The following CLASP1 variants were observed in gnomAD, a reference collection of about 807,000 sequenced individuals.
The protein encoded by CLASP1 is cytoplasmic linker associated protein 1, also known as CLIP-associating protein 1.
In CLASP1, 38 loss-of-function variants were observed where a neutral mutation model predicts 192.3. The ratio of observed to expected loss-of-function variants is 0.20; its 90% CI spans 0.15 to 0.26. The LOEUF is 0.26. CLASP1 is among the 10% of genes least tolerant of loss of function. CLASP1 has a pLI of 1.00. For missense variants in CLASP1, 1,433 were observed against 1,932.5 expected, an observed-to-expected ratio of 0.74 and a Z score of 4.85; for synonymous variants, 691 against 712.8, an observed-to-expected ratio of 0.97 and a Z score of 0.49.
chr2:121,512,893 A>C (rs2094179712), intron 7 of CLASP1: 1 of 151,828 alleles, frequency 6.6e-6, no homozygotes, highest in Non-Finnish European at 1.5e-5. Context: ...TTAATTTAGA[A>C]CTAAATCCAA....
At chr2:121,535,213 G>A (rs1461935286) in intron 2 of CLASP1, among the ~76,000 whole-genome samples, 1 of 152,232 alleles carries the variant, frequency 6.6e-6, no homozygotes, top group Non-Finnish European at 1.5e-5. Flanking sequence ...GAGCCTGGGA[G>A]GCGGAAGTTG....
intron 23 of CLASP1, among the ~76,000 whole-genome samples, chr2:121,411,969 G>A (rs544635332): frequency 4.7e-4 from 71 of 152,212 alleles, no homozygotes; most frequent in African/African-American, 1.2e-3. Context: ...ATAAGACTTC[G>A]TTTGGACAAC....
At chr2:121,432,454 T>G (rs973048988) in intron 19 of CLASP1, among the ~76,000 whole-genome samples, 3 of 152,188 alleles carry the variant, frequency 2.0e-5, no homozygotes, top group Non-Finnish European at 4.4e-5. Context: ...TCCTGCTAAT[T>G]GGCAGGACAA....
At chr2:121,348,046 G>A (rs2063691789) in intron 38 of CLASP1, among the ~76,000 whole-genome samples, 1 of 149,250 alleles carries the variant, frequency 6.7e-6, no homozygotes, top group Admixed American at 6.8e-5. Context: ...AAAATCCTCT[G>A]AGGCAGTCCA....
intron 1 of CLASP1, among the ~76,000 whole-genome samples, chr2:121,637,251 G>A (rs1004600243): frequency 7.9e-5 from 12 of 152,246 alleles, no homozygotes; most frequent in African/African-American, 2.9e-4. Flanking sequence ...TGTTTTGAGG[G>A]AAGAAAATAA....
At chr2:121,359,088 C>T (rs1380028238) in intron 37 of CLASP1, among the ~76,000 whole-genome samples, 1 of 152,212 alleles carries the variant, frequency 6.6e-6, no homozygotes, top group African/African-American at 2.4e-5. Context: ...GTACTATATG[C>T]ACATCACACT....
At chr2:121,533,595 C>A (rs777459408) in intron 2 of CLASP1, among the ~76,000 whole-genome samples, 7 of 152,108 alleles carry the variant, frequency 4.6e-5, no homozygotes, top group Admixed American at 1.3e-4. Flanking sequence ...CTGGAATACA[C>A]AATTCTGTTT....
At chr2:121,469,672 A>T in intron 9 of CLASP1, 136 bp downstream of exon 9, 1 of 784,492 alleles carries the variant, frequency 1.3e-6, no homozygotes, top group Non-Finnish European at 1.9e-6. Flanking sequence ...TAATTCAATT[A>T]AAGAATAGCA....
chr2:121,634,433 G>C (rs1209375204), intron 1 of CLASP1, among the ~76,000 whole-genome samples: 1 of 151,996 alleles, frequency 6.6e-6, no homozygotes, highest in Admixed American at 6.6e-5. Context: ...CACCCTTTCT[G>C]CATCACCTCC....
At chr2:121,517,436 G>T (rs2094329914) in intron 6 of CLASP1, among the ~76,000 whole-genome samples, 1 of 152,170 alleles carries the variant, frequency 6.6e-6, no homozygotes, top group Non-Finnish European at 1.5e-5. Flanking sequence ...TCTTCCAGTG[G>T]AAAAAGGCAA....
rs188498126 is a variant in CLASP1, at chr2:121,501,840, C to T, written c.712+1327G>A. On this transcript the variant is annotated intron_variant, in intron 8 of 39. Transcript: ENST00000263710. ...GATATTCAAAATGTGAAGGCTTGTACTAGGAAGACAGTAGTAATGATGAGG... is the reference window on the plus strand; with the variant it reads ...GATATTCAAAATGTGAAGGCTTGTATTAGGAAGACAGTAGTAATGATGAGG... Among the ~76,000 whole-genome samples, 307 of 152,238 alleles carry T rather than the reference C, an allele frequency of 2.0e-3. 1 individual carries two copies. The highest frequency in any genetic ancestry group is 6.9e-3 in the African/African-American group (288 of 41,548).
At chr2:121,562,240 T>C (rs1296958228) in intron 2 of CLASP1, among the ~76,000 whole-genome samples, 1 of 152,184 alleles carries the variant, frequency 6.6e-6, no homozygotes, top group African/African-American at 2.4e-5. Context: ...CACAGGAACC[T>C]GGGCAGGCAG....
At chr2:121,605,305 A>G (rs1410588503) in intron 2 of CLASP1, among the ~76,000 whole-genome samples, 1 of 152,154 alleles carries the variant, frequency 6.6e-6, no homozygotes, top group Non-Finnish European at 1.5e-5. Context: ...CTTATTACCA[A>G]TTCAATCCCC....
chr2:121,413,814 C>T (rs998185410), intron 23 of CLASP1, among the ~76,000 whole-genome samples: 3 of 152,056 alleles, frequency 2.0e-5, no homozygotes, highest in Non-Finnish European at 4.4e-5. Context: ...ATATCCATGC[C>T]CCCTTGCCCC....
chr2:121,581,335 C>T (rs1425033625), intron 2 of CLASP1, among the ~76,000 whole-genome samples: 1 of 139,116 alleles, frequency 7.2e-6, no homozygotes, highest in South Asian at 2.3e-4. Context: ...ACTGCAGTGG[C>T]GCAATCTCGG....
At chr2:121,410,882 G>C in exon 24 of CLASP1, 2 of 1,608,160 alleles carry the variant, frequency 1.2e-6, no homozygotes, top group Non-Finnish European at 1.7e-6. Flanking sequence ...ATCAGCAACA[G>C]CAGCTTCAAG....
chr2:121,528,767 T>C (rs1419992228), exon 4 of CLASP1: 1 of 1,613,066 alleles, frequency 6.2e-7, no homozygotes, highest in Admixed American at 1.7e-5. Context: ...GTCTGTCTAT[T>C]AGACTTGGCA....
intron 7 of CLASP1, among the ~76,000 whole-genome samples, chr2:121,510,103 G>A (rs1288477914): frequency 6.6e-6 from 1 of 152,166 alleles, no homozygotes; most frequent in Non-Finnish European, 1.5e-5. Flanking sequence ...ATTCATAGGT[G>A]TAGATGTCTA....
chr2:121,599,492 G>A (rs1453247017), intron 2 of CLASP1, among the ~76,000 whole-genome samples: 2 of 149,860 alleles, frequency 1.3e-5, no homozygotes, highest in East Asian at 4.0e-4. Flanking sequence ...GGAGGCTGAG[G>A]CAGAAGAATC....
Sources: gnomAD v4.1 joint callset for allele counts (sites outside exome capture counted in the v4.1 genomes callset) on GRCh38, gnomAD v4.1.1 for gene constraint, MANE v1.5 for transcripts, NCBI Gene and HGNC (gene_info 2026-07-23, HGNC 2026-07-21) for gene names.